Variants in CBX1 observed in about 807,000 individuals in gnomAD.
The protein encoded by CBX1 is chromobox 1, also known as chromobox protein homolog 1.
Under a neutral mutation model 25.1 loss-of-function variants are expected in CBX1, and 10 were observed. That is an observed-to-expected ratio of 0.40 (90% CI 0.25 to 0.68). The LOEUF (loss-of-function observed/expected upper bound fraction) is 0.68, where lower values mean the gene tolerates loss of function less well. CBX1 is among the 30% of genes least tolerant of loss of function. CBX1 has a pLI of 0.40. For missense variants in CBX1, 106 were observed against 218.5 expected, an observed-to-expected ratio of 0.49 and a Z score of 3.25; for synonymous variants, 63 against 79.4, an observed-to-expected ratio of 0.79 and a Z score of 1.10.
chr17:48,078,077 A>T (rs2037694891), intron 1 of CBX1, among the ~76,000 whole-genome samples: 1 of 152,188 alleles, frequency 6.6e-6, no homozygotes, highest in Admixed American at 6.5e-5. Context: ...TGTCTCAAAA[A>T]AAAAAGAAAA....
chr17:48,101,312 G>C lies in CBX1; in HGVS notation c.-82C>G, dbSNP rs3744347. 34 of 986,212 alleles carry C rather than the reference G, an allele frequency of 3.4e-5. No individual in the cohort carries two copies. Among genetic ancestry groups the C allele is most frequent in the Non-Finnish European group, 4.1e-5 (34 of 829,990 alleles). 61.1% of individuals were successfully genotyped at this position (986,212 alleles called of 1,614,324 possible). A position where few individuals can be genotyped will look rare whatever the true frequency, so the allele number is the denominator to read the frequency against. On this transcript the variant is annotated 5_prime_UTR_variant, in exon 1 of 5. Coordinates refer to ENST00000225603, the MANE Select transcript of CBX1 (RefSeq NM_001127228.2). The stretch of plus-strand genomic sequence containing the variant: ...GCCCGAGAGGAATCGGTGCTGCGCT[G>C]CTGGCGCGTCGCGTCGGGTCGCCTG...
intron 1 of CBX1, among the ~76,000 whole-genome samples, chr17:48,091,534 CCTTTT>C (rs1160440895): frequency 5.3e-5 from 7 of 132,872 alleles, no homozygotes; most frequent in East Asian, 2.1e-4. Flanking sequence ...GCCACCATGC[CCTTTT>C]TTTTTTTTTT....
intron 1 of CBX1, among the ~76,000 whole-genome samples, chr17:48,085,125 A>T (rs1240988455): frequency 6.6e-6 from 1 of 152,186 alleles, no homozygotes; most frequent in Non-Finnish European, 1.5e-5. Context: ...TTACCTAAAC[A>T]TTTGCTGAGT....
chr17:48,080,954 ATATATATATATATATATATATAT>A (rs2037730564), intron 1 of CBX1, among the ~76,000 whole-genome samples: 1 of 18,526 alleles, frequency 5.4e-5, no homozygotes, highest in East Asian at 2.0e-3. Context: ...AAAAAAAAAT[ATATATATATATATATATATATAT>A]ATATATATAT....
chr17:48,094,382 C>A (rs1026220481), intron 1 of CBX1, among the ~76,000 whole-genome samples: 11 of 151,686 alleles, frequency 7.3e-5, no homozygotes, highest in African/African-American at 2.4e-4. Context: ...TGCAGTGAAC[C>A]AAGATTGTGC....
intron 1 of CBX1, among the ~76,000 whole-genome samples, chr17:48,091,595 C>CG (rs2063344269): frequency 7.5e-6 from 1 of 133,492 alleles, no homozygotes; most frequent in South Asian, 2.4e-4. Flanking sequence ...GGCTAGAATG[C>CG]GGGGGCATGA....
chr17:48,077,056 G>A lies in CBX1; in HGVS notation c.-37-15C>T. Reference sequence around the variant, plus strand: ...GGGTGACGCTGCTAAAATGATAAATGAAATAAAAAGGGCATTAGGGAGCAC... The same window carrying A: ...GGGTGACGCTGCTAAAATGATAAATAAAATAAAAAGGGCATTAGGGAGCAC... On this transcript the variant is annotated splice_polypyrimidine_tract_variant and intron_variant, in intron 1 of 4. Transcript: ENST00000225603. 1 of 1,571,046 alleles carries A rather than the reference G, an allele frequency of 6.4e-7. No individual in the cohort carries two copies. Among genetic ancestry groups the A allele is most frequent in the African/African-American group, 1.4e-5 (1 of 73,236 alleles).
rs1281913051 is a variant in CBX1 at position 48,101,181 on chromosome 17, G to A, written c.-38+87C>T. ...GCTCCCCGCTCCTAACCTCCGCCTC[G>A]AAAGCGCGTTCCCTCACGCAGGGCT... On this transcript the variant is annotated intron_variant, in intron 1 of 4. Coordinates refer to ENST00000225603, the MANE Select transcript of CBX1 (RefSeq NM_001127228.2). 5.1e-6 allele frequency: 5 copies of A among 988,278 alleles called. No individual in the cohort carries two copies. In the African/African-American group the frequency reaches 7.0e-5, roughly 14 times the overall value. 61.2% of individuals were successfully genotyped at this position (988,278 alleles called of 1,614,324 possible).
chr17:48,098,420 TTCA>T lies in CBX1; in HGVS notation c.-38+2845_-38+2847del, dbSNP rs1304682131. On this transcript the variant is annotated intron_variant, in intron 1 of 4. Coordinates refer to ENST00000225603, the MANE Select transcript of CBX1 (RefSeq NM_001127228.2). ...CAGAATGGATCTCAAAGCTCCCCTA[TTCA>T]TCATTCATTCATCAACAATCTGAAC... 2.0e-5 allele frequency among the ~76,000 whole-genome samples: 3 copies of T among 152,300 alleles called. No homozygotes were observed. The South Asian group carries it at 6.2e-4, about 32-fold the overall frequency.
In CBX1 at chr17:48,075,957, A is replaced by G. The variant is rs188715362; in HGVS notation, c.318+44T>C. 2.0e-3 allele frequency: 2,802 copies of G among 1,421,570 alleles called. 12 individuals carry two copies. Among genetic ancestry groups the G allele is most frequent in the African/African-American group, 0.014 (991 of 70,756 alleles). 88.1% of individuals were successfully genotyped at this position (1,421,570 alleles called of 1,614,324 possible). A position where few individuals can be genotyped will look rare whatever the true frequency, so the allele number is the denominator to read the frequency against. ...AGCAGAACAAAACTACTTTGACAGT[A>G]GTTTGAATTGTGGGCTAGTAAAAAT... is the stretch of plus-strand genomic sequence containing the variant. On this transcript the variant is annotated intron_variant, in intron 3 of 4. Coordinates refer to ENST00000225603, the MANE Select transcript of CBX1 (RefSeq NM_001127228.2).
chr17:48,097,133 AT>A (rs1050802476), intron 1 of CBX1, among the ~76,000 whole-genome samples: 27 of 151,916 alleles, frequency 1.8e-4, no homozygotes, highest in African/African-American at 6.5e-4. Context: ...GGCGCCTGTA[AT>A]TCCAGCTACT....
chr17:48,082,571 C>G, intron 1 of CBX1, among the ~76,000 whole-genome samples: 2 of 146,284 alleles, frequency 1.4e-5, no homozygotes, highest in Middle Eastern at 3.5e-3. Flanking sequence ...GATGGAGTCT[C>G]TGTCGCCCAG....
chr17:48,076,337 G>A (rs1175939050), intron 2 of CBX1, among the ~76,000 whole-genome samples, 159 bp from the exon 3 acceptor site: 1 of 152,162 alleles, frequency 6.6e-6, no homozygotes, highest in African/African-American at 2.4e-5. Context: ...TAAGAAACTG[G>A]CTTCCTTCAA....
At chr17:48,080,255 T>G (rs954340601) in intron 1 of CBX1, among the ~76,000 whole-genome samples, 2 of 152,118 alleles carry the variant, frequency 1.3e-5, no homozygotes, top group African/African-American at 4.8e-5. Context: ...CAGGCTGGTC[T>G]CGAACTCCTG....
intron 1 of CBX1, among the ~76,000 whole-genome samples, chr17:48,091,023 CA>C (rs1436432492): frequency 2.0e-5 from 3 of 152,162 alleles, no homozygotes; most frequent in African/African-American, 7.2e-5. Context: ...TGTTACAAAG[CA>C]AATTTCTTTA....
At chr17:48,079,761 A>T (rs1319561088) in intron 1 of CBX1, among the ~76,000 whole-genome samples, 2 of 152,046 alleles carry the variant, frequency 1.3e-5, no homozygotes, top group African/African-American at 4.8e-5. Flanking sequence ...TCCTACTGGG[A>T]TTACAGACAT....
intron 4 of CBX1, 91 bp downstream of exon 4, chr17:48,074,915 T>C (rs574255214): frequency 1.1e-4 from 97 of 913,418 alleles, no homozygotes; most frequent in South Asian, 1.5e-4. Flanking sequence ...ACTTGGGTGA[T>C]TGGAATTTCG....
chr17:48,101,059 G>C, intron 1 of CBX1: 1 of 985,882 alleles, frequency 1.0e-6, no homozygotes, highest in African/African-American at 1.7e-5. Flanking sequence ...TTCGCGCCCC[G>C]CCCTCTCCAT....
chr17:48,080,738 T>A (rs1192582384), intron 1 of CBX1, among the ~76,000 whole-genome samples: 2 of 150,530 alleles, frequency 1.3e-5, no homozygotes, highest in Non-Finnish European at 3.0e-5. Context: ...TTGGCCAATA[T>A]GGCGAAACCC....
Sources: allele counts gnomAD v4.1 joint callset (sites outside exome capture counted in the v4.1 genomes callset), GRCh38; gene constraint gnomAD v4.1.1; transcripts MANE v1.5; gene names NCBI Gene and HGNC (gene_info 2026-07-23, HGNC 2026-07-21).